CHD2: variants seen among roughly 807,000 people sequenced by gnomAD.
The protein encoded by CHD2 is chromodomain helicase DNA binding protein 2.
CHD2 carries 28 observed loss-of-function variants against 243.9 expected under a neutral mutation model. The observed-to-expected ratio is 0.11, with a 90% CI of 0.09 to 0.16. The LOEUF (loss-of-function observed/expected upper bound fraction) is 0.16, where lower values mean the gene tolerates loss of function less well. CHD2 is among the 10% of genes least tolerant of loss of function. CHD2 has a pLI of 1.00. For synonymous variants in CHD2, 775 were observed against 779.0 expected (o/e 0.99, Z 0.09); for missense variants, 1,386 against 2,209.8 (o/e 0.63, Z 7.47).
At chr15:92,904,057 C>G (rs112453692) in intron 2 of CHD2, among the ~76,000 whole-genome samples, 11 of 152,338 alleles carry the variant, frequency 7.2e-5, no homozygotes, top group African/African-American at 2.4e-4. Context: ...TAATAGAAAT[C>G]TGAAATACCA....
chr15:92,990,472 G>C (rs2054102833), intron 26 of CHD2, among the ~76,000 whole-genome samples: 1 of 152,188 alleles, frequency 6.6e-6, no homozygotes, highest in African/African-American at 2.4e-5. Context: ...TTATGGGGGA[G>C]CAGATTTTCA....
intron 2 of CHD2, among the ~76,000 whole-genome samples, chr15:92,912,416 G>A (rs1257070923): frequency 6.6e-6 from 1 of 152,220 alleles, no homozygotes; most frequent in Non-Finnish European, 1.5e-5. Context: ...GAGTGCAGTG[G>A]CGCAGTCTCG....
Position 92,991,421 on chromosome 15 carries a change from CAT to C in CHD2, c.3414-53_3414-52del. The C allele has an allele frequency of 2.2e-6, 3 of 1,347,374 alleles. 1 individual carries two copies. The East Asian group carries it at 7.0e-5, about 31-fold the overall frequency. 83.5% of individuals were successfully genotyped at this position (1,347,374 alleles called of 1,614,324 possible). On this transcript the variant is annotated intron_variant, in intron 26 of 38. Transcript: ENST00000394196. ...TCATCACAGGATATGCTAGCATCAACATAACTAAAGTAAGTCTCTGTTTTTTT... is the reference window on the plus strand; with the variant it reads ...TCATCACAGGATATGCTAGCATCAACAACTAAAGTAAGTCTCTGTTTTTTT...
intron 13 of CHD2, among the ~76,000 whole-genome samples, chr15:92,949,696 C>G (rs772082868): frequency 4.6e-5 from 7 of 152,182 alleles, no homozygotes; most frequent in African/African-American, 1.7e-4. Context: ...AAATTTCCTT[C>G]ACCAATTTCA....
intron 5 of CHD2, among the ~76,000 whole-genome samples, chr15:92,932,745 C>T (rs146862540): frequency 1.4e-4 from 21 of 152,128 alleles, no homozygotes; most frequent in African/African-American, 4.6e-4. Flanking sequence ...CCAATTACCC[C>T]GTCACGATTT....
At chr15:93,014,646 G>A in intron 36 of CHD2, 50 bp from the exon 37 acceptor site, 1 of 1,532,042 alleles carries the variant, frequency 6.5e-7, no homozygotes, top group Non-Finnish European at 9.0e-7. Flanking sequence ...TCTTCTCTGG[G>A]GAATTAAGCC....
intron 18 of CHD2, 61 bp downstream of exon 18, chr15:92,971,988 C>G: frequency 6.7e-7 from 1 of 1,501,050 alleles, no homozygotes; most frequent in Non-Finnish European, 9.0e-7. Context: ...AGGTGCTTTT[C>G]ATCAGAATGC....
intron 16 of CHD2, among the ~76,000 whole-genome samples, chr15:92,959,070 A>G (rs1161531605): frequency 2.0e-5 from 3 of 152,342 alleles, no homozygotes; most frequent in East Asian, 1.9e-4. Context: ...TTGTCTTTCA[A>G]AGAGAAAAAG....
intron 12 of CHD2, 133 bp downstream of exon 12, chr15:92,946,349 A>C: frequency 1.5e-6 from 1 of 657,522 alleles, no homozygotes; most frequent in Non-Finnish European, 2.3e-6. Flanking sequence ...AGGTGATTTA[A>C]ATATGACATT....
At chr15:92,936,532 G>T (rs779555345) in intron 5 of CHD2, among the ~76,000 whole-genome samples, 17 of 152,306 alleles carry the variant, frequency 1.1e-4, no homozygotes, top group Non-Finnish European at 2.4e-4. Context: ...ATAGTAGGAC[G>T]CCTGTAGGTT....
At chr15:92,967,579 G>C in intron 17 of CHD2, 66 bp downstream of exon 17, 1 of 1,048,042 alleles carries the variant, frequency 9.5e-7, no homozygotes, top group Non-Finnish European at 1.4e-6. Context: ...TTAGATAGGA[G>C]ATATATATAT....
intron 2 of CHD2, chr15:92,904,818 G>A: frequency 6.7e-7 from 1 of 1,495,098 alleles, no homozygotes; most frequent in Non-Finnish European, 8.9e-7. Flanking sequence ...GTTTAATTTT[G>A]TTACAATTGA....
chr15:92,982,190 A>G (rs1041201367), intron 24 of CHD2, among the ~76,000 whole-genome samples: 6 of 152,260 alleles, frequency 3.9e-5, no homozygotes, highest in Non-Finnish European at 7.3e-5. Context: ...GATACAGTCA[A>G]AAGCACAGAT....
chr15:92,948,895 C>T lies in CHD2; in HGVS notation c.1378-57C>T, dbSNP rs536183350. The T allele has an allele frequency of 3.5e-5, 54 of 1,533,732 alleles. 1 individual carries two copies. The East Asian group carries it at 7.3e-4, about 21-fold the overall frequency. On this transcript the variant is annotated intron_variant, in intron 12 of 38. Coordinates refer to ENST00000394196, the MANE Select transcript of CHD2 (RefSeq NM_001271.4). ...TGCCGAATATGTGAATTGTGGCTAG[C>T]GTTTTAACATAGTAGCAGTAAGAAC...
At chr15:92,947,844 T>C (rs1311603304) in intron 12 of CHD2, among the ~76,000 whole-genome samples, 1 of 152,186 alleles carries the variant, frequency 6.6e-6, no homozygotes, top group African/African-American at 2.4e-5. Context: ...ATCAATAACC[T>C]TATCAAATAT....
intron 12 of CHD2, chr15:92,947,145 A>G (rs1290970218): frequency 2.6e-5 from 4 of 152,208 alleles, no homozygotes; most frequent in Non-Finnish European, 5.9e-5. Flanking sequence ...ATTCATGTTA[A>G]TGGCACTAGA....
intron 13 of CHD2, among the ~76,000 whole-genome samples, chr15:92,951,296 G>C (rs1311752402): frequency 5.9e-5 from 9 of 152,088 alleles, no homozygotes; most frequent in Admixed American, 5.2e-4. Flanking sequence ...TCAGGCTCTT[G>C]AGTAGCTGGG....
rs927571145 is a variant in CHD2 at position 92,908,445 on chromosome 15, A to G, written c.62+7146A>G. Among the ~76,000 whole-genome samples the G allele has an allele frequency of 5.9e-5, 9 of 152,172 alleles. No homozygotes were observed. In the East Asian group the frequency reaches 1.5e-3, roughly 26 times the overall value. ...CTCTATTTCCTGTCTTTTTTGGGTT[A>G]TAGGTCAGATGGGTTCTACTTTTTA... On this transcript the variant is annotated intron_variant, in intron 2 of 38. Transcript: ENST00000394196.
intron 5 of CHD2, among the ~76,000 whole-genome samples, chr15:92,935,349 T>C (rs143728137): frequency 1.2e-3 from 186 of 152,256 alleles, no homozygotes; most frequent in African/African-American, 4.2e-3. Flanking sequence ...TTTGCATTCT[T>C]ATATTGGGAG....
Sources: allele counts gnomAD v4.1 joint callset (sites outside exome capture counted in the v4.1 genomes callset), GRCh38; gene constraint gnomAD v4.1.1; transcripts MANE v1.5; gene names NCBI Gene and HGNC (gene_info 2026-07-23, HGNC 2026-07-21).